CSMD1: variants seen among roughly 807,000 people sequenced by gnomAD.
CSMD1 encodes the protein CUB and Sushi multiple domains 1.
Under a neutral mutation model 417.5 loss-of-function variants are expected in CSMD1, and 213 were observed. The observed-to-expected ratio is 0.51, with a 90% confidence interval of 0.46 to 0.57. The LOEUF (loss-of-function observed/expected upper bound fraction) is 0.57, where lower values mean the gene tolerates loss of function less well. Among genes scored for constraint, CSMD1 ranks in the 20% least tolerant of loss-of-function variants. The probability of loss-of-function intolerance (pLI) is 0.00; values close to 1 mark genes in which losing one functional copy is unlikely to be tolerated. For synonymous variants in CSMD1, 2,862 were observed against 1,736.8 expected (o/e 1.65, Z -16.11); for missense variants, 6,923 against 4,529.7 (o/e 1.53, Z -15.17).
chr8:3,997,125 T>A (rs921740113), intron 5 of CSMD1, among the ~76,000 whole-genome samples: 5 of 152,220 alleles, frequency 3.3e-5, no homozygotes, highest in African/African-American at 1.2e-4. Flanking sequence ...AGTTTTAAAG[T>A]GTTCAGGTTT....
chr8:3,402,754 T>C (rs530409947), intron 15 of CSMD1, among the ~76,000 whole-genome samples: 21 of 152,312 alleles, frequency 1.4e-4, no homozygotes, highest in South Asian at 1.2e-3. Flanking sequence ...GTCTATTTTA[T>C]TGATATTAAC....
intron 3 of CSMD1, among the ~76,000 whole-genome samples, chr8:4,106,524 T>C (rs139885807): frequency 5.5e-4 from 84 of 152,252 alleles, no homozygotes; most frequent in African/African-American, 1.9e-3. Context: ...GAGCCTCCTA[T>C]GATATTTTAA....
intron 5 of CSMD1, among the ~76,000 whole-genome samples, chr8:3,810,552 C>T (rs537642714): frequency 3.4e-4 from 51 of 152,192 alleles, no homozygotes; most frequent in African/African-American, 1.2e-3. Flanking sequence ...CTGTAATCAA[C>T]CGAGGGTCAG....
intron 3 of CSMD1, among the ~76,000 whole-genome samples, chr8:4,253,426 A>T (rs1237336295): frequency 6.6e-6 from 1 of 152,122 alleles, no homozygotes; most frequent in Non-Finnish European, 1.5e-5. Flanking sequence ...TTCCCACACC[A>T]GAACATAGCG....
chr8:3,593,225 A>C (rs1357907691), intron 8 of CSMD1, among the ~76,000 whole-genome samples: 1 of 152,230 alleles, frequency 6.6e-6, no homozygotes, highest in Non-Finnish European at 1.5e-5. Context: ...AAGCTGGGTG[A>C]GGAGACAGAA....
chr8:4,969,064 G>T (rs965834328), intron 1 of CSMD1, among the ~76,000 whole-genome samples: 1 of 152,152 alleles, frequency 6.6e-6, no homozygotes, highest in African/African-American at 2.4e-5. Context: ...ATGCCACCAT[G>T]TAGGTAAAGT....
At chr8:3,087,349 C>CTTTT in intron 48 of CSMD1, 64 bp from the exon 49 acceptor site, 1 of 1,501,710 alleles carries the variant, frequency 6.7e-7, no homozygotes, top group South Asian at 1.2e-5. Context: ...GTGCCATTGC[C>CTTTT]TTTGTGAGAG....
intron 4 of CSMD1, among the ~76,000 whole-genome samples, chr8:4,028,728 TTAA>T (rs1438326522): frequency 6.6e-6 from 1 of 152,212 alleles, no homozygotes; most frequent in Non-Finnish European, 1.5e-5. Context: ...TAAATGAGTG[TTAA>T]TAATTATTAC....
intron 10 of CSMD1, among the ~76,000 whole-genome samples, chr8:3,527,160 T>C (rs1797787088): frequency 6.6e-6 from 1 of 152,146 alleles, no homozygotes; most frequent in Admixed American, 6.5e-5. Flanking sequence ...CACGTTTTTA[T>C]AACACAAAAA....
chr8:3,071,597 C>T (rs2128998591), intron 49 of CSMD1, among the ~76,000 whole-genome samples: 1 of 152,158 alleles, frequency 6.6e-6, no homozygotes, highest in East Asian at 1.9e-4. Context: ...TAATTTTCAA[C>T]CTCAAGTGGA....
chr8:4,977,643 G>T (rs552682327), intron 1 of CSMD1, among the ~76,000 whole-genome samples: 1 of 152,144 alleles, frequency 6.6e-6, no homozygotes, highest in Non-Finnish European at 1.5e-5. Context: ...CTTACCCCAC[G>T]TGCAGACCCA....
At chr8:3,689,607 C>A (rs550659469) in intron 7 of CSMD1, among the ~76,000 whole-genome samples, 1 of 152,136 alleles carries the variant, frequency 6.6e-6, no homozygotes, top group Non-Finnish European at 1.5e-5. Context: ...GTCCACTGAA[C>A]AGAAATATTT....
intron 2 of CSMD1, among the ~76,000 whole-genome samples, chr8:4,613,762 C>A (rs1442607578): frequency 6.6e-6 from 1 of 151,598 alleles, no homozygotes. Context: ...CAAACTCTTT[C>A]TCTCACTGCT....
chr8:4,831,694 T>A (rs567724453), intron 1 of CSMD1, among the ~76,000 whole-genome samples: 5 of 152,298 alleles, frequency 3.3e-5, no homozygotes, highest in South Asian at 2.1e-4. Context: ...AAATGGTCAA[T>A]AAATATTTAC....
intron 1 of CSMD1, among the ~76,000 whole-genome samples, chr8:4,774,763 C>T (rs1402792224): frequency 6.6e-6 from 1 of 152,088 alleles, no homozygotes; most frequent in Admixed American, 6.6e-5. Context: ...TCCCAGGAGA[C>T]CTTGTTGTTT....
In CSMD1 at chr8:3,612,452, T is replaced by G. The variant is rs568004453; in HGVS notation, c.1097+4258A>C. 7.9e-5 allele frequency among the ~76,000 whole-genome samples: 12 copies of G among 152,230 alleles called. No individual in the cohort carries two copies. In the South Asian group the frequency reaches 1.5e-3, roughly 18 times the overall value. ...GCCTTGAACAACACTGTCAACCAAC[T>G]TGATCTAACTGACATTTATGGAACA... On this transcript the variant is annotated intron_variant, in intron 8 of 69. Transcript: ENST00000635120.
rs533607740 is a variant in CSMD1, at chr8:3,639,495, C to T, written c.1010-22698G>A. Among the ~76,000 whole-genome samples, 24 of 152,234 alleles carry T rather than the reference C, an allele frequency of 1.6e-4. No individual in the cohort carries two copies. In the South Asian group the frequency reaches 4.4e-3, roughly 28 times the overall value. On this transcript the variant is annotated intron_variant, in intron 7 of 69. Transcript: ENST00000635120. ...ACTGAGCATGAAAATAAGGACAGAG[C>T]ACTAAATGACAGTAAAAGACACAGA...
At chr8:4,011,942 A>C (rs1031706304) in intron 4 of CSMD1, among the ~76,000 whole-genome samples, 2 of 152,100 alleles carry the variant, frequency 1.3e-5, no homozygotes, top group Non-Finnish European at 2.9e-5. Flanking sequence ...TATACTTTAA[A>C]TCATCTCTCC....
chr8:4,503,795 T>G (rs1027020525), intron 2 of CSMD1, among the ~76,000 whole-genome samples: 2 of 152,098 alleles, frequency 1.3e-5, no homozygotes, highest in African/African-American at 4.8e-5. Flanking sequence ...TGTGACAATG[T>G]GAATTATTGT....
Sources: allele counts gnomAD v4.1 joint callset (sites outside exome capture counted in the v4.1 genomes callset), GRCh38; gene constraint gnomAD v4.1.1; transcripts MANE v1.5; gene names NCBI Gene and HGNC (gene_info 2026-07-23, HGNC 2026-07-21).